GPC5: variants seen among roughly 807,000 people sequenced by gnomAD.
GPC5 encodes glypican 5, also known as glypican-5.
Under a neutral mutation model 53.9 loss-of-function variants are expected in GPC5, and 47 were observed. That is an observed-to-expected ratio of 0.87 (90% CI 0.69 to 1.11). GPC5 has a LOEUF of 1.11. Ranked by LOEUF, GPC5 falls within the 50% of genes most tolerant of loss-of-function variation. The probability of loss-of-function intolerance (pLI) is 0.00; values close to 1 mark genes in which losing one functional copy is unlikely to be tolerated. For synonymous variants in GPC5, 286 were observed against 263.3 expected, an observed-to-expected ratio of 1.09 and a Z score of -0.84; for missense variants, 748 against 713.1, an observed-to-expected ratio of 1.05 and a Z score of -0.56.
chr13:92,554,957 T>TC (rs1431491629), intron 7 of GPC5, among the ~76,000 whole-genome samples: 4 of 151,038 alleles, frequency 2.6e-5, no homozygotes, highest in Admixed American at 1.3e-4. Flanking sequence ...TTTTTATTTT[T>TC]CTCTATGTTC....
intron 6 of GPC5, among the ~76,000 whole-genome samples, chr13:92,121,457 C>T (rs540824848): frequency 1.3e-5 from 2 of 152,322 alleles, no homozygotes; most frequent in East Asian, 3.9e-4. Flanking sequence ...CTGGACAAAT[C>T]CGTGCTGTTC....
chr13:92,312,243 T>C (rs2043149840), intron 7 of GPC5, among the ~76,000 whole-genome samples: 1 of 152,190 alleles, frequency 6.6e-6, no homozygotes, highest in Non-Finnish European at 1.5e-5. Flanking sequence ...ACATCTCCAG[T>C]TTCTTTTCAC....
At chr13:92,592,400 T>G (rs1326345452) in intron 7 of GPC5, among the ~76,000 whole-genome samples, 1 of 151,378 alleles carries the variant, frequency 6.6e-6, no homozygotes, top group African/African-American at 2.4e-5. Flanking sequence ...GTCTTCCTCC[T>G]GCTTTCCTCT....
At chr13:92,092,339 T>C (rs920252053) in intron 6 of GPC5, among the ~76,000 whole-genome samples, 3 of 152,214 alleles carry the variant, frequency 2.0e-5, no homozygotes, top group African/African-American at 7.2e-5. Flanking sequence ...TTGATAAGGC[T>C]TTTATTTGAT....
chr13:91,499,296 G>C (rs1594171565), intron 2 of GPC5, among the ~76,000 whole-genome samples: 1 of 152,138 alleles, frequency 6.6e-6, no homozygotes, highest in South Asian at 2.1e-4. Flanking sequence ...TTGTTCCATA[G>C]GTAGTATGTG....
At chr13:92,340,290 C>G (rs992021884) in intron 7 of GPC5, 3 of 152,092 alleles carry the variant, frequency 2.0e-5, no homozygotes, top group Non-Finnish European at 4.4e-5. Flanking sequence ...AACCCTTTAT[C>G]CAAAGACTAT....
intron 7 of GPC5, among the ~76,000 whole-genome samples, chr13:92,744,800 G>C (rs941187315): frequency 6.6e-6 from 1 of 152,022 alleles, no homozygotes; most frequent in African/African-American, 2.4e-5. Context: ...CTTTGAGTTA[G>C]ATGAAAATAT....
chr13:91,592,487 A>G (rs1004752582), intron 2 of GPC5, among the ~76,000 whole-genome samples: 1 of 152,170 alleles, frequency 6.6e-6, no homozygotes, highest in Non-Finnish European at 1.5e-5. Context: ...GAGATAGGCC[A>G]CACCCTTTGT....
intron 7 of GPC5, among the ~76,000 whole-genome samples, chr13:92,284,805 G>A (rs1028013153): frequency 1.3e-5 from 2 of 152,120 alleles, no homozygotes; most frequent in Admixed American, 6.6e-5. Flanking sequence ...GGCAAAAACT[G>A]GAAGCATTCC....
At chr13:92,350,414 T>G (rs1422665119) in intron 7 of GPC5, among the ~76,000 whole-genome samples, 1 of 152,128 alleles carries the variant, frequency 6.6e-6, no homozygotes, top group Non-Finnish European at 1.5e-5. Flanking sequence ...ATAAATGAAT[T>G]ATGCTAAGTA....
At chr13:92,653,848 T>C (rs1886039170) in intron 7 of GPC5, among the ~76,000 whole-genome samples, 2 of 152,214 alleles carry the variant, frequency 1.3e-5, no homozygotes, top group East Asian at 1.9e-4. Flanking sequence ...TTGCCTTTTG[T>C]TGGTCAAAGC....
At chr13:92,837,151 C>T (rs945295760) in intron 7 of GPC5, among the ~76,000 whole-genome samples, 1 of 151,974 alleles carries the variant, frequency 6.6e-6, no homozygotes, top group African/African-American at 2.4e-5. Flanking sequence ...TAATAACTTC[C>T]TACTTGTTTC....
chr13:91,468,641 GACCT>G (rs1882403455), intron 2 of GPC5, among the ~76,000 whole-genome samples: 1 of 152,080 alleles, frequency 6.6e-6, no homozygotes, highest in African/African-American at 2.4e-5. Flanking sequence ...CTTGATCTTA[GACCT>G]CTGGCCTCCA....
chr13:91,406,321 T>G (rs549336447), intron 1 of GPC5, among the ~76,000 whole-genome samples: 8 of 152,330 alleles, frequency 5.3e-5, no homozygotes, highest in African/African-American at 1.7e-4. Context: ...ACTGAGTATC[T>G]CAGATTCTGC....
At chr13:92,058,507 C>T (rs560842410) in intron 6 of GPC5, among the ~76,000 whole-genome samples, 70 of 152,280 alleles carry the variant, frequency 4.6e-4, no homozygotes, top group South Asian at 3.3e-3. Context: ...TTTAAATCTA[C>T]GTTGACTCAC....
chr13:91,833,461 G>A (rs2038686612), intron 5 of GPC5, among the ~76,000 whole-genome samples: 1 of 151,906 alleles, frequency 6.6e-6, no homozygotes, highest in Non-Finnish European at 1.5e-5. Context: ...AAAATTTCAG[G>A]GCCACTATCC....
At chr13:91,654,348 A>T (rs1227774196) in intron 2 of GPC5, among the ~76,000 whole-genome samples, 1 of 152,156 alleles carries the variant, frequency 6.6e-6, no homozygotes, top group African/African-American at 2.4e-5. Context: ...TAATTTTTTT[A>T]AAAATGGAAA....
intron 7 of GPC5, among the ~76,000 whole-genome samples, chr13:92,732,565 T>C (rs557470399): frequency 6.6e-6 from 1 of 151,810 alleles, no homozygotes; most frequent in Non-Finnish European, 1.5e-5. Flanking sequence ...TTGGAAGTTC[T>C]GTTTTACATG....
In GPC5 at chr13:91,477,648, G is replaced by A. The variant is rs568364930; in HGVS notation, c.325+28726G>A. ...GGAAGAATGTACATGTTGGGAAAAG[G>A]GCTGCAGATGGATTCCTAGTGGTAA... On this transcript the variant is annotated intron_variant, in intron 2 of 7. Transcript: ENST00000377067. 6.6e-5 allele frequency among the ~76,000 whole-genome samples: 10 copies of A among 152,272 alleles called. No homozygotes were observed. In the East Asian group the frequency reaches 1.9e-3, roughly 29 times the overall value.
Sources: gnomAD v4.1 joint callset for allele counts (sites outside exome capture counted in the v4.1 genomes callset) on GRCh38, gnomAD v4.1.1 for gene constraint, MANE v1.5 for transcripts, NCBI Gene and HGNC (gene_info 2026-07-23, HGNC 2026-07-21) for gene names.